TRAPPC8: variants seen among roughly 807,000 people sequenced by gnomAD.
The protein encoded by TRAPPC8 is trafficking protein particle complex subunit 8, also known as general sporulation gene 1 homolog.
In TRAPPC8, 54 loss-of-function variants were observed where a neutral mutation model predicts 174.3. That is an observed-to-expected ratio of 0.31 (90% CI 0.25 to 0.39). The LOEUF (loss-of-function observed/expected upper bound fraction) is 0.39. Among genes scored for constraint, TRAPPC8 ranks in the 10% least tolerant of loss-of-function variants. The probability of loss-of-function intolerance (pLI) is 1.00; values close to 1 mark genes in which losing one functional copy is unlikely to be tolerated. For missense variants in TRAPPC8, 1,531 were observed against 1,699.1 expected (o/e 0.90, Z 1.74); for synonymous variants, 630 against 579.9 (o/e 1.09, Z -1.24).
Position 31,897,851 on chromosome 18 carries a change from C to G in TRAPPC8, c.1531G>C (p.Glu511Gln). ...LAERCVLLSA[E>Q]LLKSQSKYSE... ...TATTTGCTTTGGCTTTTTAAAAGTT[C>G]AGCACTAAGCAACACACATCTTTCA... The change falls in exon 11 of 29, where the codon GAA (glutamate) becomes CAA (glutamine). Residue 511 changes from glutamate (E) to glutamine (Q), a missense_variant. By Grantham distance (29) the Glu-to-Gln change is conservative. Transcript: ENST00000283351. The G allele has an allele frequency of 6.2e-7, 1 of 1,611,328 alleles. No individual in the cohort carries two copies. The highest frequency in any genetic ancestry group is 8.5e-7 in the Non-Finnish European group (1 of 1,178,348).
rs2036778227 is a variant in TRAPPC8 at position 31,908,799 on chromosome 18, G to A, written c.1077C>T (p.Gly359=). ...RQFIQEFTFR[G]LLPHIEKTIR... ...TTGTTTTCTCTATATGTGGCAAAAG[G>A]CCCCGAAATGTGAACTCTTGTATAA... The change falls in exon 7 of 29, where the codon GGC becomes GGT. Residue 359 remains glycine (G), a synonymous_variant. Coordinates refer to ENST00000283351, the MANE Select transcript of TRAPPC8 (RefSeq NM_014939.5). 1 of 1,611,314 alleles carries A rather than the reference G, an allele frequency of 6.2e-7. No individual in the cohort carries two copies. Among genetic ancestry groups the A allele is most frequent in the Non-Finnish European group, 8.5e-7 (1 of 1,178,234 alleles).
In TRAPPC8 at chr18:31,857,807, G is replaced by A. The variant is rs368383227; in HGVS notation, c.2921C>T (p.Ala974Val). 4.3e-6 allele frequency: 7 copies of A among 1,614,054 alleles called. No homozygotes were observed. In the African/African-American group the frequency reaches 6.7e-5, roughly 15 times the overall value. The change falls in exon 20 of 29, where the codon GCT (alanine) becomes GTT (valine). Residue 974 changes from alanine to valine, a missense_variant. Physicochemically the swap from Ala to Val is moderately conservative, Grantham distance 64 (BLOSUM62 0). Transcript: ENST00000283351. ...CTTGTAAGCACTACAATTCTCAGAA[G>A]CTGAGGGACTTAGTGGTGTTAGAAC... ...TAVLTPLSPS[A>V]SENCSAYKTV...
In TRAPPC8 at chr18:31,830,940, G is replaced by A; in HGVS notation, c.4123C>T (p.Gln1375Ter). 1 of 1,614,140 alleles carries A rather than the reference G, an allele frequency of 6.2e-7. No homozygotes were observed. Among genetic ancestry groups the A allele is most frequent in the Non-Finnish European group, 8.5e-7 (1 of 1,180,018 alleles). The part of the protein sequence containing the change: ...HGSFTWLGQT[Q>*]YKLQLKSQEI... Reference sequence around the variant, plus strand: ...TGGCTTTTAAGTTGAAGTTTATACTGTGTTTGTCCAAGCCATGTGAATGAT... The same window carrying A: ...TGGCTTTTAAGTTGAAGTTTATACTATGTTTGTCCAAGCCATGTGAATGAT... The change falls in exon 29 of 29, where the codon CAG becomes TAG. Residue 1375 changes from glutamine to a stop codon, truncating the protein, a stop_gained. Transcript: ENST00000283351. LOFTEE classifies it high-confidence loss of function.
intron 1 of TRAPPC8, among the ~76,000 whole-genome samples, chr18:31,933,297 T>C (rs2145638795): frequency 8.9e-6 from 1 of 112,992 alleles, no homozygotes; most frequent in African/African-American, 3.5e-5. Context: ...CGAGACTCCG[T>C]CTCAAAAAAA....
intron 19 of TRAPPC8, among the ~76,000 whole-genome samples, chr18:31,861,787 A>T (rs558218079): frequency 9.3e-4 from 141 of 151,956 alleles, no homozygotes; most frequent in Admixed American, 2.0e-3. Flanking sequence ...AAACACAAAA[A>T]AATTAGCCAG....
intron 18 of TRAPPC8, 53 bp from the exon 19 acceptor site, chr18:31,864,834 T>A: frequency 6.8e-7 from 1 of 1,460,802 alleles, no homozygotes; most frequent in Admixed American, 2.3e-5. Context: ...TTAACTGACA[T>A]CAATTTAACT....
intron 14 of TRAPPC8, among the ~76,000 whole-genome samples, chr18:31,872,784 A>C (rs1232527591): frequency 6.6e-6 from 1 of 152,154 alleles, no homozygotes; most frequent in Non-Finnish European, 1.5e-5. Flanking sequence ...TGTTAAAATA[A>C]AGTACTTTAT....
chr18:31,904,761 G>A (rs1444300521), intron 9 of TRAPPC8, among the ~76,000 whole-genome samples: 1 of 152,160 alleles, frequency 6.6e-6, no homozygotes, highest in Non-Finnish European at 1.5e-5. Flanking sequence ...CAGGCCCAGT[G>A]GATCACGCCT....
chr18:31,912,482 ACT>A (rs1331774657), intron 5 of TRAPPC8, among the ~76,000 whole-genome samples: 14 of 146,994 alleles, frequency 9.5e-5, no homozygotes, highest in Admixed American at 2.7e-4. Flanking sequence ...ACAGAGCGAG[ACT>A]CTTTGTCTCC....
chr18:31,840,673 C>T (rs1598587736), intron 26 of TRAPPC8, among the ~76,000 whole-genome samples: 1 of 152,156 alleles, frequency 6.6e-6, no homozygotes, highest in South Asian at 2.1e-4. Flanking sequence ...TCTATGGCTG[C>T]TTTTTGACTT....
At chr18:31,924,462 GAA>G (rs1183461154) in intron 2 of TRAPPC8, among the ~76,000 whole-genome samples, 3 of 96,906 alleles carry the variant, frequency 3.1e-5, no homozygotes, top group South Asian at 3.7e-4. Context: ...CCTCCCCACC[GAA>G]AAAAAAAAAA....
intron 2 of TRAPPC8, among the ~76,000 whole-genome samples, chr18:31,930,264 C>A (rs1319403208): frequency 6.6e-6 from 1 of 151,856 alleles, no homozygotes; most frequent in African/African-American, 2.4e-5. Context: ...GGATTACAGG[C>A]ACCTGCCACC....
At chr18:31,855,599 A>AT in intron 21 of TRAPPC8, 61 bp downstream of exon 21, 1 of 1,481,216 alleles carries the variant, frequency 6.8e-7, no homozygotes, top group Non-Finnish European at 9.1e-7. Context: ...AACCACTACT[A>AT]AACACAAGGG....
intron 9 of TRAPPC8, among the ~76,000 whole-genome samples, chr18:31,906,474 T>C (rs529972094): frequency 9.1e-4 from 138 of 152,272 alleles, no homozygotes; most frequent in Non-Finnish European, 1.3e-3. Flanking sequence ...TAAACAAGTA[T>C]CTGTCAGCCT....
intron 21 of TRAPPC8, among the ~76,000 whole-genome samples, chr18:31,854,601 A>G (rs1318224265): frequency 1.3e-5 from 2 of 152,198 alleles, no homozygotes; most frequent in African/African-American, 4.8e-5. Context: ...ATTTCAAATA[A>G]GTACCTGAAT....
At chr18:31,901,669 A>G (rs570827636) in intron 9 of TRAPPC8, among the ~76,000 whole-genome samples, 4 of 152,342 alleles carry the variant, frequency 2.6e-5, no homozygotes, top group South Asian at 2.1e-4. Context: ...TCAGGCAAAT[A>G]TAAGGGCACC....
At chr18:31,895,520 A>C (rs929868553) in intron 11 of TRAPPC8, among the ~76,000 whole-genome samples, 1 of 152,214 alleles carries the variant, frequency 6.6e-6, no homozygotes, top group Admixed American at 6.5e-5. Context: ...AGTGGAAACA[A>C]AGAGTTGGAA....
At chr18:31,926,669 C>A (rs931510030) in intron 2 of TRAPPC8, 10 of 152,236 alleles carry the variant, frequency 6.6e-5, no homozygotes, top group African/African-American at 2.4e-4. Context: ...CTCCTGACCT[C>A]AGGTGATTCA....
chr18:31,859,130 T>G (rs892412240), intron 19 of TRAPPC8, among the ~76,000 whole-genome samples: 6 of 151,874 alleles, frequency 4.0e-5, no homozygotes, highest in Non-Finnish European at 5.9e-5. Flanking sequence ...AAACAGATAT[T>G]TAAATGTCAC....
Sources: allele counts gnomAD v4.1 joint callset (sites outside exome capture counted in the v4.1 genomes callset), GRCh38; gene constraint gnomAD v4.1.1; transcripts MANE v1.5; gene names NCBI Gene and HGNC (gene_info 2026-07-23, HGNC 2026-07-21).